The following INSL6 variants were observed in gnomAD, a reference collection of about 807,000 sequenced individuals.
The protein encoded by INSL6 is insulin-like peptide INSL6.
INSL6 carries 16 observed loss-of-function variants against 9.4 expected under a neutral mutation model. The observed-to-expected ratio is 1.70, with a 90% CI of 1.15 to 2.59. The LOEUF (loss-of-function observed/expected upper bound fraction) is 2.59. Among genes scored for constraint, INSL6 ranks in the 30% most tolerant of loss-of-function variants. INSL6 has a pLI of 0.00. For missense variants in INSL6, 391 were observed against 257.3 expected, an observed-to-expected ratio of 1.52 and a Z score of -3.56; for synonymous variants, 154 against 96.9, an observed-to-expected ratio of 1.59 and a Z score of -3.46.
At chr9:5,052,362 A>C in the INSL6 span, among the ~76,000 whole-genome samples, 65 of 152,208 alleles carry the variant, frequency 4.3e-4, no homozygotes, top group African/African-American at 1.4e-3. Context: ...CTTTTAACTC[A>C]TGCTCTTAGC....
the INSL6 span, chr9:5,098,314 G>C: frequency 5.9e-5 from 9 of 152,150 alleles, no homozygotes; most frequent in African/African-American, 1.9e-4. Context: ...TCAAAGTTAA[G>C]TTATAGGCTA....
the INSL6 span, among the ~76,000 whole-genome samples, chr9:5,033,004 A>C: frequency 1.3e-5 from 2 of 152,206 alleles, no homozygotes; most frequent in African/African-American, 4.8e-5. Context: ...TTGAAAAAAA[A>C]TTAGACAAAT....
At chr9:5,159,118 C>T (rs1038095879), downstream of INSL6, among the ~76,000 whole-genome samples, 1 of 151,730 alleles carries the variant, frequency 6.6e-6, no homozygotes, top group Non-Finnish European at 1.5e-5. Context: ...TCATGGTAAC[C>T]TAAAATCTAA....
the INSL6 span, among the ~76,000 whole-genome samples, chr9:5,050,171 T>C: frequency 2.6e-5 from 4 of 152,204 alleles, no homozygotes; most frequent in South Asian, 8.3e-4. Context: ...ATGAAATAGG[T>C]TGATGTTATA....
intron 1 of INSL6, among the ~76,000 whole-genome samples, chr9:5,169,199 T>C (rs1825126864): frequency 6.6e-6 from 1 of 152,212 alleles, no homozygotes. Flanking sequence ...GTGCTGGGAT[T>C]ACAGGCATGA....
chr9:5,044,225 C>A, the INSL6 span, among the ~76,000 whole-genome samples: 3 of 152,150 alleles, frequency 2.0e-5, 1 homozygote, highest in Non-Finnish European at 4.4e-5. Context: ...CTTGTACTTT[C>A]TGCCTATATT....
the INSL6 span, among the ~76,000 whole-genome samples, chr9:5,093,778 C>T: frequency 5.3e-5 from 8 of 152,096 alleles, no homozygotes; most frequent in East Asian, 1.9e-4. Context: ...ATAGGGTTTA[C>T]GACCTCGATG....
At chr9:5,004,402 T>G in the INSL6 span, among the ~76,000 whole-genome samples, 1 of 152,212 alleles carries the variant, frequency 6.6e-6, no homozygotes, top group Non-Finnish European at 1.5e-5. Flanking sequence ...TTTCTGTGCC[T>G]AGCTTTATTT....
At chr9:4,996,037 G>C in the INSL6 span, among the ~76,000 whole-genome samples, 1 of 152,092 alleles carries the variant, frequency 6.6e-6, no homozygotes, top group African/African-American at 2.4e-5. Flanking sequence ...CAATCCATAG[G>C]ATAGGTCAAG....
chr9:5,114,449 C>A, the INSL6 span: 1 of 477,388 alleles, frequency 2.1e-6, no homozygotes, highest in South Asian at 1.8e-5. Flanking sequence ...TGACCCACAC[C>A]CACCTGCAGT....
chr9:5,125,558 A>G (rs1317514170), intron 3 of INSL6, among the ~76,000 whole-genome samples: 1 of 151,570 alleles, frequency 6.6e-6, no homozygotes, highest in Non-Finnish European at 1.5e-5. Flanking sequence ...GAACTATTTT[A>G]AAATTTTTTT....
the INSL6 span, chr9:5,112,598 G>C: frequency 3.8e-5 from 30 of 787,666 alleles, no homozygotes; most frequent in Admixed American, 6.2e-4. Flanking sequence ...GGCTCTTAAG[G>C]AGCTGGGGCG....
At chr9:5,117,679 AT>A in the INSL6 span, among the ~76,000 whole-genome samples, 1 of 146,154 alleles carries the variant, frequency 6.8e-6, no homozygotes, top group African/African-American at 2.5e-5. Context: ...AAATTAATAA[AT>A]ATTTTTATAT....
intron 1 of INSL6, among the ~76,000 whole-genome samples, chr9:5,182,200 G>A (rs1414257325): frequency 6.6e-6 from 1 of 152,114 alleles, no homozygotes; most frequent in African/African-American, 2.4e-5. Flanking sequence ...AGTAAAATGT[G>A]AGGAATGCAC....
the INSL6 span, among the ~76,000 whole-genome samples, chr9:5,010,447 T>A: frequency 2.0e-4 from 30 of 152,054 alleles, no homozygotes; most frequent in Admixed American, 2.0e-3. Flanking sequence ...CAGCCTCCCG[T>A]GTAGCTGGGA....
chr9:5,150,516 A>G (rs1212477143), intron 2 of INSL6, among the ~76,000 whole-genome samples: 4 of 152,232 alleles, frequency 2.6e-5, no homozygotes, highest in African/African-American at 9.6e-5. Flanking sequence ...AGTTGAAACT[A>G]CAATAAGATG....
chr9:5,011,859 A>G, the INSL6 span, among the ~76,000 whole-genome samples: 3 of 152,276 alleles, frequency 2.0e-5, no homozygotes, highest in East Asian at 1.9e-4. Flanking sequence ...CAGTTTTGCC[A>G]TTACTTCTGG....
At chr9:5,060,094 A>C in the INSL6 span, among the ~76,000 whole-genome samples, 1 of 152,214 alleles carries the variant, frequency 6.6e-6, no homozygotes, top group Admixed American at 6.5e-5. Flanking sequence ...CACTATAATC[A>C]AGTCTACTAA....
chr9:5,147,732 T>C (rs1301023024), intron 2 of INSL6, among the ~76,000 whole-genome samples: 1 of 152,240 alleles, frequency 6.6e-6, no homozygotes, highest in Admixed American at 6.5e-5. Context: ...CCCATATTTC[T>C]TGGATGTTTT....
Sources: gnomAD v4.1 joint callset for allele counts (sites outside exome capture counted in the v4.1 genomes callset) on GRCh38, gnomAD v4.1.1 for gene constraint, MANE v1.5 for transcripts, NCBI Gene and HGNC (gene_info 2026-07-23, HGNC 2026-07-21) for gene names.